The following UNC13C variants were observed in gnomAD, a reference collection of about 807,000 sequenced individuals.
The protein encoded by UNC13C is unc-13 homolog C.
UNC13C carries 174 observed loss-of-function variants against 245.4 expected under a neutral mutation model. The observed-to-expected ratio is 0.71, with a 90% CI of 0.63 to 0.80. The LOEUF (loss-of-function observed/expected upper bound fraction) is 0.80. UNC13C is among the 30% of genes least tolerant of loss of function. The pLI, the probability that UNC13C is intolerant of heterozygous loss-of-function variation, is 0.00. For missense variants in UNC13C, 2,829 were observed against 2,602.9 expected (o/e 1.09, Z -1.89); for synonymous variants, 992 against 895.1 (o/e 1.11, Z -1.93).
At chr15:54,478,932 A>G (rs917878770) in intron 19 of UNC13C, among the ~76,000 whole-genome samples, 1 of 151,840 alleles carries the variant, frequency 6.6e-6, no homozygotes, top group Non-Finnish European at 1.5e-5. Context: ...CCCATTATTA[A>G]TGTGTGGGAG....
At chr15:54,400,798 C>T (rs993991126) in intron 18 of UNC13C, among the ~76,000 whole-genome samples, 32 of 152,200 alleles carry the variant, frequency 2.1e-4, no homozygotes, top group South Asian at 6.2e-4. Flanking sequence ...ATGTGCACAA[C>T]GTGCAGGTTT....
At chr15:54,030,637 G>A (rs1896318352) in intron 2 of UNC13C, among the ~76,000 whole-genome samples, 1 of 152,144 alleles carries the variant, frequency 6.6e-6, no homozygotes, top group Admixed American at 6.5e-5. Flanking sequence ...AAATATCTGA[G>A]ACAGGGTAAT....
rs371730822 is a variant in UNC13C, at chr15:54,052,029, G to A, written c.2983+36143G>A. On this transcript the variant is annotated intron_variant, in intron 2 of 32. Transcript: ENST00000260323. ...ATGCGGTGTTTGGTTTTTTGTTCTT[G>A]CGATAGTTTACTGAGAATGATGATT... Among the ~76,000 whole-genome samples, 702 of 121,920 alleles carry A rather than the reference G, an allele frequency of 5.8e-3. 10 individuals carry two copies. The highest frequency in any genetic ancestry group is 0.018 in the African/African-American group (575 of 31,102). The allele number at this position is 121,920 out of a possible 152,430, so 80.0% of individuals were successfully genotyped here.
chr15:54,280,692 A>G (rs1596137206), intron 10 of UNC13C, among the ~76,000 whole-genome samples: 1 of 87,738 alleles, frequency 1.1e-5, no homozygotes, highest in East Asian at 3.2e-4. Context: ...ACATATATAA[A>G]CATATGTATA....
chr15:54,456,896 C>G (rs1341098674), intron 19 of UNC13C, among the ~76,000 whole-genome samples: 7 of 152,032 alleles, frequency 4.6e-5, no homozygotes, highest in African/African-American at 1.7e-4. Context: ...TCTGCTCTGA[C>G]TAGGACTTCC....
chr15:54,624,751 G>A (rs866262501), intron 32 of UNC13C, among the ~76,000 whole-genome samples: 7 of 152,228 alleles, frequency 4.6e-5, no homozygotes, highest in Middle Eastern at 3.4e-3. Context: ...TATCATGTGT[G>A]GAAAGTAGAT....
chr15:54,421,163 A>G (rs953891860), intron 19 of UNC13C, among the ~76,000 whole-genome samples: 1 of 151,978 alleles, frequency 6.6e-6, no homozygotes, highest in Non-Finnish European at 1.5e-5. Flanking sequence ...GCCTGAAATT[A>G]TATTGCAATT....
the UNC13C span, among the ~76,000 whole-genome samples, chr15:53,895,246 C>A: frequency 1.3e-5 from 2 of 150,536 alleles, no homozygotes; most frequent in Non-Finnish European, 3.0e-5. Flanking sequence ...CGTCTGTAAT[C>A]CCAGTTACTC....
the UNC13C span, among the ~76,000 whole-genome samples, chr15:53,941,984 A>C: frequency 6.6e-6 from 1 of 152,194 alleles, no homozygotes; most frequent in South Asian, 2.1e-4. Flanking sequence ...AACATTGTGG[A>C]AGACAGTGTG....
intron 2 of UNC13C, among the ~76,000 whole-genome samples, chr15:54,030,300 C>A (rs1335972379): frequency 6.6e-6 from 1 of 151,904 alleles, no homozygotes; most frequent in East Asian, 1.9e-4. Flanking sequence ...GACCATTAAG[C>A]TGAATGTTAC....
intron 4 of UNC13C, among the ~76,000 whole-genome samples, chr15:54,149,367 C>G (rs1170289827): frequency 6.6e-6 from 1 of 152,114 alleles, no homozygotes; most frequent in African/African-American, 2.4e-5. Flanking sequence ...AGAAGGAGTT[C>G]ACTATAGAGT....
chr15:53,993,373 G>A (rs1036226501), intron 1 of UNC13C, among the ~76,000 whole-genome samples: 2 of 152,086 alleles, frequency 1.3e-5, no homozygotes, highest in Non-Finnish European at 2.9e-5. Flanking sequence ...GAGAGAATGA[G>A]CACTTGACCG....
chr15:54,295,277 T>C (rs1223175168), intron 11 of UNC13C, among the ~76,000 whole-genome samples: 2 of 152,232 alleles, frequency 1.3e-5, no homozygotes, highest in African/African-American at 4.8e-5. Context: ...TTTTCTGTAA[T>C]ACGTTAACAT....
At chr15:54,485,262 A>T (rs1416891701) in intron 19 of UNC13C, among the ~76,000 whole-genome samples, 1 of 152,204 alleles carries the variant, frequency 6.6e-6, no homozygotes. Flanking sequence ...ACATTCTTTC[A>T]TCCATTTATC....
chr15:54,579,617 G>T (rs1363514653), intron 30 of UNC13C, among the ~76,000 whole-genome samples: 1 of 152,096 alleles, frequency 6.6e-6, no homozygotes, highest in African/African-American at 2.4e-5. Context: ...AAATTAGCCA[G>T]GCATGGTGGC....
intron 32 of UNC13C, 31 bp from the exon 33 acceptor site, chr15:54,626,797 T>G (rs752290079): frequency 6.2e-5 from 98 of 1,583,348 alleles, no homozygotes; most frequent in Non-Finnish European, 7.9e-5. Context: ...GTAAAGTTTT[T>G]GCTCAAAATT....
At chr15:54,188,194 A>G (rs2034062016) in intron 4 of UNC13C, among the ~76,000 whole-genome samples, 1 of 152,156 alleles carries the variant, frequency 6.6e-6, no homozygotes, top group African/African-American at 2.4e-5. Context: ...GATTGAATAC[A>G]TTCTTATTTC....
At chr15:54,179,973 A>G (rs1387804845) in intron 4 of UNC13C, among the ~76,000 whole-genome samples, 3 of 152,110 alleles carry the variant, frequency 2.0e-5, no homozygotes, top group African/African-American at 7.2e-5. Context: ...AAGAGAAAAT[A>G]AAATGATATC....
downstream of UNC13C, chr15:54,629,651 A>C (rs760075333): frequency 6.6e-6 from 1 of 152,204 alleles, no homozygotes; most frequent in African/African-American, 2.4e-5. Flanking sequence ...TGAAAAATTC[A>C]TTCTAGATTT....
Sources: allele counts gnomAD v4.1 joint callset (sites outside exome capture counted in the v4.1 genomes callset), GRCh38; gene constraint gnomAD v4.1.1; transcripts MANE v1.5; gene names NCBI Gene and HGNC (gene_info 2026-07-23, HGNC 2026-07-21).